Variants in KCNB2 observed in about 807,000 individuals in gnomAD.
The protein encoded by KCNB2 is potassium voltage-gated channel subfamily B member 2.
In KCNB2, 15 loss-of-function variants were observed where a neutral mutation model predicts 61.5. That is an observed-to-expected ratio of 0.24 (90% CI 0.16 to 0.38). The LOEUF (loss-of-function observed/expected upper bound fraction) is 0.38. Among genes scored for constraint, KCNB2 ranks in the 10% least tolerant of loss-of-function variants. The pLI is 1.00. For synonymous variants in KCNB2, 457 were observed against 446.0 expected (o/e 1.02, Z -0.31); for missense variants, 828 against 1,125.2 (o/e 0.74, Z 3.78).
At chr8:72,679,941 GA>G (rs1392175979) in intron 2 of KCNB2, among the ~76,000 whole-genome samples, 2 of 152,210 alleles carry the variant, frequency 1.3e-5, no homozygotes, top group Non-Finnish European at 2.9e-5. Flanking sequence ...CTAATGGAAT[GA>G]TGCATCACTG....
chr8:72,813,692 A>C (rs1413181134), intron 2 of KCNB2, among the ~76,000 whole-genome samples: 1 of 152,196 alleles, frequency 6.6e-6, no homozygotes, highest in African/African-American at 2.4e-5. Context: ...AAATACACAA[A>C]TATAAAGTGG....
At chr8:72,582,793 A>AT (rs1042622609) in intron 2 of KCNB2, among the ~76,000 whole-genome samples, 107 of 151,852 alleles carry the variant, frequency 7.0e-4, no homozygotes, top group African/African-American at 2.5e-3. Context: ...TTAAAAAATT[A>AT]TTTTTTTTGT....
intron 2 of KCNB2, among the ~76,000 whole-genome samples, chr8:72,607,595 T>A (rs1805473421): frequency 6.6e-6 from 1 of 152,198 alleles, no homozygotes; most frequent in Admixed American, 6.5e-5. Flanking sequence ...CTAACAGTAA[T>A]ACAATAAGCA....
intron 2 of KCNB2, among the ~76,000 whole-genome samples, chr8:72,718,921 C>A (rs138131946): frequency 6.6e-6 from 1 of 151,980 alleles, no homozygotes; most frequent in African/African-American, 2.4e-5. Context: ...ATAAATTGGC[C>A]GAGTCATAAG....
At chr8:72,627,557 T>G (rs908657866) in intron 2 of KCNB2, among the ~76,000 whole-genome samples, 1 of 152,216 alleles carries the variant, frequency 6.6e-6, no homozygotes, top group Non-Finnish European at 1.5e-5. Context: ...CTTGTTTTTT[T>G]TATGCATGAT....
At chr8:72,699,157 A>C (rs1807069915) in intron 2 of KCNB2, among the ~76,000 whole-genome samples, 1 of 152,190 alleles carries the variant, frequency 6.6e-6, no homozygotes, top group Non-Finnish European at 1.5e-5. Flanking sequence ...GAATTCAATA[A>C]GCAAAAAACA....
In KCNB2 at chr8:72,752,691, A is replaced by C. The variant is rs567722738; in HGVS notation, c.580-183244A>C. Among the ~76,000 whole-genome samples the C allele has an allele frequency of 1.6e-4, 25 of 152,304 alleles. 1 individual carries two copies. The highest frequency in any genetic ancestry group is 3.4e-3 in the Middle Eastern group (1 of 294). ...GGGATTTCTCAGCCTCCATAATCAC[A>C]TGAGCTAATTTCTTATTTTATATGC... On this transcript the variant is annotated intron_variant, in intron 2 of 2. Coordinates refer to ENST00000523207, the MANE Select transcript of KCNB2 (RefSeq NM_004770.3).
At position 72,621,278 on chromosome 8, in the gene KCNB2, C is replaced by G. The variant is rs781736981; in HGVS notation, c.579+52965C>G. ...ATACATACCAAGAAGCTTCTGCCAT[C>G]TGGTGGTATATGTGGAGGACGTGGT... is the stretch of plus-strand genomic sequence containing the variant. On this transcript the variant is annotated intron_variant, in intron 2 of 2. Transcript: ENST00000523207. Among the ~76,000 whole-genome samples, 22 of 152,148 alleles carry G rather than the reference C, an allele frequency of 1.4e-4. 1 individual carries two copies. The highest frequency in any genetic ancestry group is 2.4e-4 in the Non-Finnish European group (16 of 68,026).
At position 72,565,216 on chromosome 8, in the gene KCNB2, G is replaced by A. The variant is rs868455766; in HGVS notation, c.-93-2426G>A. Among the ~76,000 whole-genome samples the A allele has an allele frequency of 3.7e-4, 56 of 151,860 alleles. 2 individuals are homozygous for A. Among genetic ancestry groups the A allele is most frequent in the African/African-American group, 1.3e-3 (53 of 41,396 alleles). ...AACTCCTGCTGCAAGTATATTTATT[G>A]GCCACATTTAAAGTACTTCTTATAT... On this transcript the variant is annotated intron_variant, in intron 1 of 2. Transcript: ENST00000523207.
chr8:72,729,681 C>A (rs562521114), intron 2 of KCNB2, among the ~76,000 whole-genome samples: 1 of 152,104 alleles, frequency 6.6e-6, no homozygotes, highest in Non-Finnish European at 1.5e-5. Context: ...GTCAGGAGTT[C>A]GAGACCAGCC....
chr8:72,560,003 C>G (rs926397256), intron 1 of KCNB2, among the ~76,000 whole-genome samples: 1 of 152,096 alleles, frequency 6.6e-6, no homozygotes, highest in Non-Finnish European at 1.5e-5. Context: ...ATTTTAGTCT[C>G]AAAACATGGA....
intron 2 of KCNB2, among the ~76,000 whole-genome samples, chr8:72,783,480 G>A (rs192402863): frequency 3.9e-5 from 6 of 151,970 alleles, no homozygotes; most frequent in South Asian, 2.1e-4. Context: ...TGCAATTGCC[G>A]GTCCCTCTGC....
rs146484780 is a variant in KCNB2, at chr8:72,556,214, T to G, written c.-93-11428T>G. ...CCTCACCAAATGCTTTGATATTTTC[T>G]TATCAAATTTTGCTGAATTATATTT... On this transcript the variant is annotated intron_variant, in intron 1 of 2. Transcript: ENST00000523207. 8.2e-3 allele frequency among the ~76,000 whole-genome samples: 1,247 copies of G among 152,302 alleles called. 15 individuals carry two copies. The highest frequency in any genetic ancestry group is 0.028 in the African/African-American group (1,149 of 41,574).
intron 2 of KCNB2, among the ~76,000 whole-genome samples, chr8:72,571,041 T>C (rs1806699977): frequency 1.3e-5 from 2 of 152,236 alleles, no homozygotes; most frequent in South Asian, 4.1e-4. Context: ...TTATATAACT[T>C]AATAGATTCC....
intron 2 of KCNB2, among the ~76,000 whole-genome samples, chr8:72,764,720 A>G (rs1808435362): frequency 6.6e-6 from 1 of 152,196 alleles, no homozygotes; most frequent in African/African-American, 2.4e-5. Flanking sequence ...ATCATCACAG[A>G]ATAATCCTAC....
rs553917703 is a variant in KCNB2, at chr8:72,690,984, C to T, written c.579+122671C>T. Among the ~76,000 whole-genome samples, 16 of 152,306 alleles carry T rather than the reference C, an allele frequency of 1.1e-4. No individual in the cohort carries two copies. In the South Asian group the frequency reaches 2.9e-3, roughly 28 times the overall value. ...ATGCCTGTCGTATTTGAAATACCCACGGCTGCCCCTGAACTTGCTGCATCA... is the reference window on the plus strand; with the variant it reads ...ATGCCTGTCGTATTTGAAATACCCATGGCTGCCCCTGAACTTGCTGCATCA... On this transcript the variant is annotated intron_variant, in intron 2 of 2. Transcript: ENST00000523207.
At chr8:72,654,669 C>A (rs1806262527) in intron 2 of KCNB2, among the ~76,000 whole-genome samples, 1 of 151,994 alleles carries the variant, frequency 6.6e-6, no homozygotes. Context: ...CAAGTATTTG[C>A]TTTACTAAAG....
intron 2 of KCNB2, among the ~76,000 whole-genome samples, chr8:72,693,957 C>T (rs1031358251): frequency 6.6e-6 from 1 of 152,078 alleles, no homozygotes; most frequent in Non-Finnish European, 1.5e-5. Flanking sequence ...TATATCAAAT[C>T]GAACACGATT....
chr8:72,618,203 G>T (rs906845761), intron 2 of KCNB2, among the ~76,000 whole-genome samples: 8 of 151,748 alleles, frequency 5.3e-5, no homozygotes, highest in African/African-American at 1.9e-4. Flanking sequence ...AAATCCCAAA[G>T]AACTAGCATC....
Sources: allele counts gnomAD v4.1 joint callset (sites outside exome capture counted in the v4.1 genomes callset), GRCh38; gene constraint gnomAD v4.1.1; transcripts MANE v1.5; gene names NCBI Gene and HGNC (gene_info 2026-07-23, HGNC 2026-07-21).